Variants in USP42 observed in about 807,000 individuals in gnomAD.
The protein encoded by USP42 is ubiquitin specific peptidase 42, also known as ubiquitin carboxyl-terminal hydrolase 42.
A neutral mutation model predicts 113.0 loss-of-function variants in USP42; 23 were observed. The observed-to-expected ratio is 0.20, with a 90% CI of 0.15 to 0.29. The LOEUF is 0.29. Ranked by LOEUF, USP42 falls within the 10% of genes least tolerant of loss-of-function variation. The probability of loss-of-function intolerance (pLI) is 1.00; values close to 1 mark genes in which losing one functional copy is unlikely to be tolerated. For missense variants in USP42, 2,174 were observed against 1,779.8 expected (o/e 1.22, Z -3.99); for synonymous variants, 933 against 699.0 (o/e 1.33, Z -5.28).
intron 14 of USP42, chr7:6,152,903 G>C: frequency 9.1e-6 from 9 of 985,062 alleles, no homozygotes; most frequent in Non-Finnish European, 1.1e-5. Flanking sequence ...ATCAGAGAAA[G>C]GGAGTCGAGA....
At chr7:6,155,297 C>T in intron 15 of USP42, 102 bp downstream of exon 15, 1 of 1,426,070 alleles carries the variant, frequency 7.0e-7, no homozygotes. Context: ...AGCCAGGCCA[C>T]AGTTGTATCC....
At chr7:6,122,279 G>GTTT (rs55777900) in intron 3 of USP42, among the ~76,000 whole-genome samples, 7 of 133,530 alleles carry the variant, frequency 5.2e-5, no homozygotes, top group Non-Finnish European at 3.2e-5. Context: ...TCATGTGTCA[G>GTTT]TTTTTTTTTT....
upstream of USP42, among the ~76,000 whole-genome samples, chr7:6,099,956 C>A (rs576926662): frequency 2.4e-3 from 244 of 100,308 alleles, 8 homozygotes; most frequent in African/African-American, 0.014. Context: ...GAACGAGACT[C>A]CCTCTCAAAA....
At chr7:6,152,075 CGTT>C (rs1782094959) in intron 14 of USP42, among the ~76,000 whole-genome samples, 1 of 152,110 alleles carries the variant, frequency 6.6e-6, no homozygotes, top group Non-Finnish European at 1.5e-5. Context: ...GTGAATGTAA[CGTT>C]GGTCAGGAGT....
rs1782270682 is a variant in USP42 at position 6,154,284 on chromosome 7, T to A, written c.2730T>A (p.Gly910=). The A allele has an allele frequency of 6.3e-7, 1 of 1,592,602 alleles. No individual in the cohort carries two copies. ...PAPVLDMAPA[G]HPEGDAEPSP... is the part of the protein sequence containing the mutation. ...CTGTGCTGGACATGGCCCCGGCCGGTCACCCGGAAGGGGACGCTGAGCCTA... is the reference window on the plus strand; with the variant it reads ...CTGTGCTGGACATGGCCCCGGCCGGACACCCGGAAGGGGACGCTGAGCCTA... The change falls in exon 15 of 18, where the codon GGT becomes GGA. Residue 910 remains glycine, a synonymous_variant. Transcript: ENST00000306177.
In USP42 at chr7:6,144,154, T is replaced by C. The variant is rs753135066; in HGVS notation, c.948T>C (p.Ser316=). Residue 316 remains serine (S), a synonymous_variant, in exon 9 of 18, where the codon TCT becomes TCC. Coordinates refer to ENST00000306177, the MANE Select transcript of USP42 (RefSeq NM_032172.3). ...GATCCTCTAATGTTCTTACACTTTCTCTGAAACGTTTTGCAAATTTTACCG... is the reference window on the plus strand; with the variant it reads ...GATCCTCTAATGTTCTTACACTTTCCCTGAAACGTTTTGCAAATTTTACCG... ...IHRSSNVLTL[S]LKRFANFTGG... 6.3e-7 allele frequency: 1 copy of C among 1,596,328 alleles called. No homozygotes were observed. Among genetic ancestry groups the C allele is most frequent in the South Asian group, 1.2e-5 (1 of 86,710 alleles).
intron 3 of USP42, chr7:6,116,880 C>T (rs1410052298): frequency 3.8e-6 from 2 of 530,056 alleles, no homozygotes; most frequent in Non-Finnish European, 7.7e-6. Context: ...AGCACTAGCA[C>T]CTGGACAGCA....
At chr7:6,092,050 CTT>C in the USP42 span, among the ~76,000 whole-genome samples, 23 of 73,424 alleles carry the variant, frequency 3.1e-4, 1 homozygote, top group African/African-American at 7.1e-4. Context: ...TCTTCTTCTT[CTT>C]CTTTCTTCTT....
At chr7:6,135,637 G>A (rs1345194828) in intron 3 of USP42, among the ~76,000 whole-genome samples, 3 of 112,120 alleles carry the variant, frequency 2.7e-5, no homozygotes, top group Non-Finnish European at 5.0e-5. Flanking sequence ...GGGTGACAGA[G>A]TGAGACTCCA....
At chr7:6,106,369 G>A (rs1179632217) in intron 1 of USP42, among the ~76,000 whole-genome samples, 2 of 152,202 alleles carry the variant, frequency 1.3e-5, no homozygotes, top group South Asian at 2.1e-4. Flanking sequence ...TTACCTCAAT[G>A]TATGCAGAGT....
At chr7:6,136,984 G>C (rs575460757) in intron 4 of USP42, among the ~76,000 whole-genome samples, 2 of 152,054 alleles carry the variant, frequency 1.3e-5, no homozygotes, top group African/African-American at 4.8e-5. Flanking sequence ...TAGCAAATTG[G>C]TGGATAAATT....
In USP42 at chr7:6,111,281, C is replaced by A. The variant is rs770212506; in HGVS notation, c.148C>A (p.His50Asn). Residue 50 changes from histidine (H) to asparagine (N), a missense_variant, in exon 2 of 18, where the codon CAC becomes AAC. By Grantham distance (68) the His-to-Asn change is moderately conservative. Coordinates refer to ENST00000306177, the MANE Select transcript of USP42 (RefSeq NM_032172.3). ...AVSSLNDVSN[H>N]TLSLGPVPGA... is the part of the protein sequence containing the mutation. ...GTCTTCATTGAATGATGTGTCAAAT[C>A]ACACACTTTCTTTAGGACCAGTACC... 2 of 1,607,228 alleles carry A rather than the reference C, an allele frequency of 1.2e-6. No individual in the cohort carries two copies. Among genetic ancestry groups the A allele is most frequent in the Non-Finnish European group, 1.7e-6 (2 of 1,176,516 alleles).
chr7:6,105,204 C>A (rs1779196217), intron 1 of USP42, among the ~76,000 whole-genome samples, 172 bp downstream of exon 1: 1 of 145,392 alleles, frequency 6.9e-6, no homozygotes, highest in African/African-American at 2.5e-5. Context: ...CCCGGGACCC[C>A]GCCGCTCTGG....
At chr7:6,120,648 A>G (rs935645846) in intron 3 of USP42, among the ~76,000 whole-genome samples, 11 of 152,168 alleles carry the variant, frequency 7.2e-5, no homozygotes, top group African/African-American at 2.7e-4. Context: ...CAGTGGCACA[A>G]TCTCGGCTCA....
the USP42 span, among the ~76,000 whole-genome samples, chr7:6,099,211 CTTTTTTTTTTTT>C: frequency 5.4e-4 from 53 of 98,782 alleles, 3 homozygotes; most frequent in Middle Eastern, 5.8e-3. Context: ...TGTTCCCTCT[CTTTTTTTTTTTT>C]TTTTTTTTTG....
the USP42 span, among the ~76,000 whole-genome samples, chr7:6,087,809 C>T: frequency 6.6e-6 from 1 of 151,098 alleles, no homozygotes; most frequent in Non-Finnish European, 1.5e-5. Flanking sequence ...TCCCTCTGTC[C>T]CCAGTCCCCA....
rs73058625 is a variant in USP42, at chr7:6,113,314, G to A, written c.241+1940G>A. Among the ~76,000 whole-genome samples the A allele has an allele frequency of 5.5e-3, 837 of 152,184 alleles. 8 individuals are homozygous for A. Among genetic ancestry groups the A allele is most frequent in the Non-Finnish European group, 1.0e-2 (677 of 68,018 alleles). ...ACCTAATCGAATGTTGCACATGGAG[G>A]TGGAAAGTCCTTTGGCTTCTCTCCA... On this transcript the variant is annotated intron_variant, in intron 2 of 17. Coordinates refer to ENST00000306177, the MANE Select transcript of USP42 (RefSeq NM_032172.3).
intron 2 of USP42, among the ~76,000 whole-genome samples, chr7:6,113,825 G>A (rs1350263091): frequency 6.6e-6 from 1 of 151,954 alleles, no homozygotes; most frequent in South Asian, 2.1e-4. Flanking sequence ...GTTTCACTGT[G>A]TTAGCCTGAA....
chr7:6,113,280 T>C (rs1321476852), intron 2 of USP42, among the ~76,000 whole-genome samples: 17 of 152,104 alleles, frequency 1.1e-4, no homozygotes, highest in Admixed American at 1.1e-3. Flanking sequence ...GTTTATATCA[T>C]GAAACACAAC....
Sources: allele counts gnomAD v4.1 joint callset (sites outside exome capture counted in the v4.1 genomes callset), GRCh38; gene constraint gnomAD v4.1.1; transcripts MANE v1.5; gene names NCBI Gene and HGNC (gene_info 2026-07-23, HGNC 2026-07-21).